PTDSS1: variants seen among roughly 807,000 people sequenced by gnomAD.
PTDSS1 encodes PSS-1.
Under a neutral mutation model 70.5 loss-of-function variants are expected in PTDSS1, and 45 were observed. The ratio of observed to expected loss-of-function variants is 0.64; its 90% CI spans 0.50 to 0.82. PTDSS1 has a LOEUF of 0.82. PTDSS1 is among the 40% of genes least tolerant of loss of function. The pLI is 0.00. For synonymous variants in PTDSS1, 188 were observed against 203.8 expected (o/e 0.92, Z 0.66); for missense variants, 417 against 586.1 (o/e 0.71, Z 2.98).
chr8:96,327,770 G>T (rs1025720854), intron 10 of PTDSS1, among the ~76,000 whole-genome samples: 7 of 152,208 alleles, frequency 4.6e-5, no homozygotes, highest in African/African-American at 1.7e-4. Context: ...GGGGTCCTGC[G>T]CCCTCCTTGC....
chr8:96,262,342 C>A lies in PTDSS1; in HGVS notation c.179+123C>A. 1 of 1,249,968 alleles carries A rather than the reference C, an allele frequency of 8.0e-7. No individual in the cohort carries two copies. Among genetic ancestry groups the A allele is most frequent in the Non-Finnish European group, 1.1e-6 (1 of 926,350 alleles). The allele number at this position is 1,249,968 out of a possible 1,614,324, so 77.4% of individuals were successfully genotyped here. ...GGAAGTGGGCTGGCTGCTCCACGCA[C>A]ACGCACTGGCAGCCCGCCGCCCACG... is the stretch of plus-strand genomic sequence containing the variant. On this transcript the variant is annotated intron_variant, in intron 1 of 12. Coordinates refer to ENST00000517309, the MANE Select transcript of PTDSS1 (RefSeq NM_014754.3). The surrounding 1 kb of genome is among the most constrained non-coding windows in gnomAD (Gnocchi z 4.4).
At chr8:96,291,463 T>G (rs972524541) in intron 4 of PTDSS1, among the ~76,000 whole-genome samples, 1 of 151,814 alleles carries the variant, frequency 6.6e-6, no homozygotes, top group Non-Finnish European at 1.5e-5. Context: ...TTTTTTTTTT[T>G]TTTTTTGGCA....
intron 2 of PTDSS1, among the ~76,000 whole-genome samples, chr8:96,273,681 CA>C (rs1363636331): frequency 1.3e-5 from 2 of 152,158 alleles, no homozygotes; most frequent in African/African-American, 4.8e-5. Flanking sequence ...ACATGACTGA[CA>C]AATTATAAGC....
intron 4 of PTDSS1, among the ~76,000 whole-genome samples, chr8:96,290,365 CCAGTTCTCA>C (rs2130065847): frequency 6.6e-6 from 1 of 152,218 alleles, no homozygotes; most frequent in South Asian, 2.1e-4. Flanking sequence ...CTCTGCTGAT[CCAGTTCTCA>C]CAGCCAGTAG....
In PTDSS1 at chr8:96,283,166, C is replaced by A. The variant is rs1202519449; in HGVS notation, c.272-943C>A. 3.3e-5 allele frequency among the ~76,000 whole-genome samples: 5 copies of A among 152,186 alleles called. No homozygotes were observed. The East Asian group carries it at 9.7e-4, about 29-fold the overall frequency. On this transcript the variant is annotated intron_variant, in intron 2 of 12. Transcript: ENST00000517309. ...CCTTTACTGTCACTAGCTCCTGAGG[C>A]CAAGCCTGGCATGATTGTCACTGCA...
At chr8:96,312,894 A>G (rs1009240189) in intron 9 of PTDSS1, among the ~76,000 whole-genome samples, 1 of 152,142 alleles carries the variant, frequency 6.6e-6, no homozygotes, top group Admixed American at 6.5e-5. Context: ...TTCCTCTCCT[A>G]TCAAAACAGA....
chr8:96,333,180 T>C (rs1342156272), intron 12 of PTDSS1, among the ~76,000 whole-genome samples: 1 of 152,206 alleles, frequency 6.6e-6, no homozygotes, highest in African/African-American at 2.4e-5. Flanking sequence ...CTCACCATCA[T>C]GACCATGTCC....
At chr8:96,315,868 A>G (rs1811280802) in intron 9 of PTDSS1, among the ~76,000 whole-genome samples, 1 of 152,142 alleles carries the variant, frequency 6.6e-6, no homozygotes, top group Non-Finnish European at 1.5e-5. Context: ...GAACTGAGTA[A>G]AGGGACCTAT....
chr8:96,284,105 G>T lies in PTDSS1; in HGVS notation c.272-4G>T. 6.2e-7 allele frequency: 1 copy of T among 1,606,600 alleles called. No individual in the cohort carries two copies. The highest frequency in any genetic ancestry group is 1.1e-5 in the South Asian group (1 of 90,434). ...TCTAACTTTATAATGTTATTTATCTGCAGGTCCGTTCACTCGACCTCATCC... is the reference window on the plus strand; with the variant it reads ...TCTAACTTTATAATGTTATTTATCTTCAGGTCCGTTCACTCGACCTCATCC... On this transcript the variant is annotated splice_polypyrimidine_tract_variant and splice_region_variant and intron_variant, in intron 2 of 12. Transcript: ENST00000517309.
intron 7 of PTDSS1, among the ~76,000 whole-genome samples, chr8:96,305,839 C>G (rs574967249): frequency 2.0e-5 from 3 of 152,230 alleles, no homozygotes; most frequent in South Asian, 2.1e-4. Flanking sequence ...AGGCGCCCAC[C>G]ACCATGCCTG....
At chr8:96,292,004 A>C (rs1054402175) in intron 4 of PTDSS1, among the ~76,000 whole-genome samples, 4 of 152,068 alleles carry the variant, frequency 2.6e-5, no homozygotes, top group Admixed American at 1.3e-4. Flanking sequence ...CCTGGGGCTG[A>C]GCATGGTGGC....
chr8:96,330,801 C>T lies in PTDSS1; in HGVS notation c.1243-225C>T. The T allele has an allele frequency of 1.1e-5, 6 of 539,246 alleles. No homozygotes were observed. In the South Asian group the frequency reaches 1.3e-4, roughly 11 times the overall value. 33.4% of individuals were successfully genotyped at this position (539,246 alleles called of 1,614,324 possible). ...TTCATCCTTTATTTACACCTTCAGT[C>T]TAAAGAACTTAAGGCATGTTGTGGA... On this transcript the variant is annotated intron_variant, in intron 11 of 12. Transcript: ENST00000517309.
intron 10 of PTDSS1, 133 bp downstream of exon 10, chr8:96,320,478 T>C (rs1289006167): frequency 1.3e-6 from 1 of 783,844 alleles, no homozygotes; most frequent in African/African-American, 1.7e-5. Flanking sequence ...TACTTGTAAT[T>C]GTCTGAGACT....
At chr8:96,274,886 C>T (rs776771518) in intron 2 of PTDSS1, among the ~76,000 whole-genome samples, 14 of 152,152 alleles carry the variant, frequency 9.2e-5, no homozygotes, top group Non-Finnish European at 1.9e-4. Flanking sequence ...CTCTGAATCT[C>T]TCAGAGAATG....
chr8:96,330,696 A>G (rs898386935), intron 11 of PTDSS1: 16 of 377,956 alleles, frequency 4.2e-5, no homozygotes, highest in African/African-American at 2.8e-4. Context: ...TGAGGATACC[A>G]TAGAAAATAG....
rs1811085122 is a variant in PTDSS1, at chr8:96,303,943, A to C, written c.753-97A>C. The C allele has an allele frequency of 6.2e-6, 8 of 1,295,960 alleles. No individual in the cohort carries two copies. In the East Asian group the frequency reaches 1.9e-4, roughly 31 times the overall value. The allele number at this position is 1,295,960 out of a possible 1,614,324, so 80.3% of individuals were successfully genotyped here. A position where few individuals can be genotyped will look rare whatever the true frequency, so the allele number is the denominator to read the frequency against. On this transcript the variant is annotated intron_variant, in intron 6 of 12. Coordinates refer to ENST00000517309, the MANE Select transcript of PTDSS1 (RefSeq NM_014754.3). ...AGCAGTCTCTTTGTCCTGAGCATTT[A>C]TTATAAAAATCATCAGTGCACAGGA... is the stretch of plus-strand genomic sequence containing the variant.
chr8:96,331,241 G>T (rs1427740156), intron 12 of PTDSS1, 146 bp downstream of exon 12: 3 of 769,134 alleles, frequency 3.9e-6, no homozygotes, highest in African/African-American at 1.7e-5. Flanking sequence ...TAAGAAACAT[G>T]CAATGGCTGG....
intron 5 of PTDSS1, among the ~76,000 whole-genome samples, chr8:96,299,060 C>T (rs1052182174): frequency 3.3e-5 from 5 of 150,064 alleles, no homozygotes; most frequent in Non-Finnish European, 5.9e-5. Flanking sequence ...AAAAAAAATA[C>T]AACATCTGAC....
intron 10 of PTDSS1, among the ~76,000 whole-genome samples, chr8:96,322,737 C>T (rs1217659970): frequency 1.3e-5 from 2 of 152,198 alleles, no homozygotes; most frequent in African/African-American, 2.4e-5. Flanking sequence ...CTTCACTTGG[C>T]CCAGCATCAA....
Sources: gnomAD v4.1 joint callset for allele counts (sites outside exome capture counted in the v4.1 genomes callset) on GRCh38, gnomAD v4.1.1 for gene constraint, Gnocchi (gnomAD v3.1) non-coding constraint, MANE v1.5 for transcripts, NCBI Gene and HGNC (gene_info 2026-07-23, HGNC 2026-07-21) for gene names.